Variants in EML5 observed in about 807,000 individuals in gnomAD.
EML5 encodes EMAP like 5.
EML5 carries 120 observed loss-of-function variants against 250.0 expected under a neutral mutation model. That is an observed-to-expected ratio of 0.48 (90% CI 0.41 to 0.56). The LOEUF (loss-of-function observed/expected upper bound fraction) is 0.56. Among genes scored for constraint, EML5 ranks in the 20% least tolerant of loss-of-function variants. The pLI, the probability that EML5 is intolerant of heterozygous loss-of-function variation, is 0.00. For synonymous variants in EML5, 771 were observed against 806.5 expected (o/e 0.96, Z 0.75); for missense variants, 2,006 against 2,437.6 (o/e 0.82, Z 3.73).
rs748748462 is a variant in EML5, at chr14:88,620,892, G to A, written c.5237C>T (p.Ala1746Val). ...TTCAGGGCTGTAACACACAGTACGA[G>A]CAGCATGTCCCAAATTCACTTTGTT... ...MLNKVNLGHA[A>V]RTVCYSPEGD... The change falls in exon 39 of 44, where the codon GCT (alanine) becomes GTT (valine). Residue 1746 changes from alanine (A) to valine (V), a missense_variant. Ala to Val is a moderately conservative substitution (Grantham distance 64). Around this residue, in one of 7 missense-constraint regions of EML5, gnomAD observed 405 missense variants for 523.3 expected, o/e 0.77. Transcript: ENST00000554922. This position sits in a 1 kb window ranked among gnomAD's most constrained non-coding sequence, Gnocchi z 4.3. 20 of 1,533,952 alleles carry A rather than the reference G, an allele frequency of 1.3e-5. No homozygotes were observed. In the East Asian group the frequency reaches 4.2e-4, roughly 33 times the overall value.
At chr14:88,769,151 C>G (rs375480972) in intron 1 of EML5, among the ~76,000 whole-genome samples, 1 of 152,194 alleles carries the variant, frequency 6.6e-6, no homozygotes, top group Admixed American at 6.5e-5. Flanking sequence ...ATAGTTGGAT[C>G]TGTGTCCCCA....
At chr14:88,683,696 T>C (rs973454384) in intron 20 of EML5, among the ~76,000 whole-genome samples, 1 of 152,122 alleles carries the variant, frequency 6.6e-6, no homozygotes, top group Non-Finnish European at 1.5e-5. Flanking sequence ...TAATACACTA[T>C]ATCAACAGAA....
intron 9 of EML5, among the ~76,000 whole-genome samples, chr14:88,714,254 G>A (rs1427382130): frequency 2.6e-5 from 4 of 152,108 alleles, no homozygotes; most frequent in Admixed American, 1.3e-4. Context: ...AGATACAGTG[G>A]TACTTTACCA....
At chr14:88,754,264 T>C (rs959171275) in intron 2 of EML5, among the ~76,000 whole-genome samples, 1 of 152,196 alleles carries the variant, frequency 6.6e-6, no homozygotes, top group South Asian at 2.1e-4. Flanking sequence ...ATAATAACCA[T>C]GTAATATTCC....
At position 88,763,014 on chromosome 14, in the gene EML5, T is replaced by G. The variant is rs987094544; in HGVS notation, c.198-8343A>C. ...TCTGGGACACAGCTAAAGAAGTGTT[T>G]AGAGAGAAATTTATAGCACTAAATG... On this transcript the variant is annotated intron_variant, in intron 1 of 43. Transcript: ENST00000554922. Among the ~76,000 whole-genome samples, 7 of 152,268 alleles carry G rather than the reference T, an allele frequency of 4.6e-5. No individual in the cohort carries two copies. In the East Asian group the frequency reaches 1.2e-3, roughly 25 times the overall value.
chr14:88,751,304 C>T (rs2094090496), intron 2 of EML5, among the ~76,000 whole-genome samples: 1 of 152,070 alleles, frequency 6.6e-6, no homozygotes, highest in Admixed American at 6.6e-5. Context: ...AAAAGTAATG[C>T]TTAATCCATT....
At chr14:88,731,215 C>T (rs1274285550) in intron 7 of EML5, among the ~76,000 whole-genome samples, 2 of 129,386 alleles carry the variant, frequency 1.5e-5, no homozygotes, top group African/African-American at 5.8e-5. Flanking sequence ...GTTATCCCTC[C>T]CCCCTCCCCC....
chr14:88,666,396 T>C (rs1242324121), intron 21 of EML5, among the ~76,000 whole-genome samples: 1 of 152,000 alleles, frequency 6.6e-6, no homozygotes, highest in East Asian at 1.9e-4. Flanking sequence ...CTGGCTACTT[T>C]TGTATTTTTA....
At chr14:88,707,200 T>C (rs8018076) in intron 10 of EML5, among the ~76,000 whole-genome samples, 5,867 of 152,210 alleles carry the variant, frequency 0.039, 129 homozygotes, top group African/African-American at 0.049. Context: ...ACCCAATTTC[T>C]CCAATAATAA....
chr14:88,614,597 C>T lies in EML5; in HGVS notation c.*1221G>A, dbSNP rs1413448694. 1.3e-5 allele frequency: 2 copies of T among 152,130 alleles called. No individual in the cohort carries two copies. The highest frequency in any genetic ancestry group is 2.9e-5 in the Non-Finnish European group (2 of 68,028). The allele number at this position is 152,130 out of a possible 1,614,324, so 9.4% of individuals were successfully genotyped here. Reference sequence around the variant, plus strand: ...CATAGGGTCAATACAGCATCTTAAACCTCACACTTAGAAAAATATATTTTT... The same window carrying T: ...CATAGGGTCAATACAGCATCTTAAATCTCACACTTAGAAAAATATATTTTT... On this transcript the variant is annotated 3_prime_UTR_variant, in exon 44 of 44. Transcript: ENST00000554922.
chr14:88,677,600 T>C (rs1320154898), intron 21 of EML5, among the ~76,000 whole-genome samples: 2 of 152,086 alleles, frequency 1.3e-5, no homozygotes, highest in Non-Finnish European at 2.9e-5. Flanking sequence ...CTTAAACAAA[T>C]TCACAAGAAA....
At chr14:88,664,965 G>T (rs1444201921) in intron 22 of EML5, among the ~76,000 whole-genome samples, 1 of 152,138 alleles carries the variant, frequency 6.6e-6, no homozygotes, top group African/African-American at 2.4e-5. Context: ...ATTAGTAATT[G>T]CTACATTACA....
chr14:88,726,791 T>C lies in EML5; in HGVS notation c.1050-113A>G, dbSNP rs183946270. 38 of 754,780 alleles carry C rather than the reference T, an allele frequency of 5.0e-5. No individual in the cohort carries two copies. The East Asian group carries it at 9.8e-4, about 19-fold the overall frequency. 46.8% of individuals were successfully genotyped at this position (754,780 alleles called of 1,614,324 possible). On this transcript the variant is annotated intron_variant, in intron 7 of 43. Transcript: ENST00000554922. ...AAGATAAATCTAGATATCTTAACTATCTGTTGTGTGGCAAGAAATTCTTAT... is the reference window on the plus strand; with the variant it reads ...AAGATAAATCTAGATATCTTAACTACCTGTTGTGTGGCAAGAAATTCTTAT...
At chr14:88,691,755 G>C (rs892171869) in intron 17 of EML5, among the ~76,000 whole-genome samples, 3 of 152,176 alleles carry the variant, frequency 2.0e-5, no homozygotes, top group African/African-American at 7.2e-5. Context: ...GTTAGGTTAA[G>C]TAAGTGGATA....
intron 13 of EML5, among the ~76,000 whole-genome samples, chr14:88,702,849 G>C (rs913463752): frequency 6.6e-6 from 1 of 152,064 alleles, no homozygotes; most frequent in African/African-American, 2.4e-5. Context: ...TGACCACCTA[G>C]GCTCAAACGA....
At chr14:88,676,680 T>C (rs2092601594) in intron 21 of EML5, among the ~76,000 whole-genome samples, 1 of 152,070 alleles carries the variant, frequency 6.6e-6, no homozygotes, top group Non-Finnish European at 1.5e-5. Flanking sequence ...GCCAAGACAA[T>C]GCTAAGCCAT....
In EML5 at chr14:88,704,958, A is replaced by G; in HGVS notation, c.1953T>C (p.Pro651=). ...YRRQVYKEDL[P]QLKEQCKEKQ... is the part of the protein sequence containing the mutation. ...TCTCTTTGCACTGTTCTTTAAGCTG[A>G]GGTAGATCTTCTTTGTAAACCTTTA... is the stretch of plus-strand genomic sequence containing the variant. Residue 651 remains proline (P), a synonymous_variant, in exon 13 of 44, where the codon CCT becomes CCC. Transcript: ENST00000554922. The G allele has an allele frequency of 1.2e-6, 2 of 1,611,644 alleles. No homozygotes were observed. The highest frequency in any genetic ancestry group is 1.1e-5 in the South Asian group (1 of 90,832).
rs2094620475 is a variant in EML5 at position 88,792,446 on chromosome 14, G to A, written c.58C>T (p.Arg20Trp). ...HLRLEWVYGY[R>W]GHQCRNNLYY... is the part of the protein sequence containing the mutation. The stretch of plus-strand genomic sequence containing the variant: ...AGGTTGTTGCGGCACTGGTGGCCCC[G>A]GTAGCCGTACACCCACTCGAGCCGC... Residue 20 changes from arginine (R) to tryptophan (W), a missense_variant, in exon 1 of 44, where the codon CGG becomes TGG. Transcript: ENST00000554922. This position sits in a 1 kb window ranked among gnomAD's most constrained non-coding sequence, Gnocchi z 6.9. The A allele has an allele frequency of 5.8e-6, 9 of 1,543,364 alleles. No individual in the cohort carries two copies. The highest frequency in any genetic ancestry group is 7.9e-6 in the Non-Finnish European group (9 of 1,144,720).
In EML5 at chr14:88,626,967, A is replaced by G; in HGVS notation, c.4611T>C (p.Phe1537=). ...TCACATGTTTTACTCCCACTGAGAC[A>G]AACTGGGTATCTGAATCTGGTCGGA... ...AEFRPDSDTQ[F]VSVGVKHVKF... Residue 1537 remains phenylalanine, a synonymous_variant, in exon 35 of 44, where the codon TTT becomes TTC. Transcript: ENST00000554922. 1 of 1,614,014 alleles carries G rather than the reference A, an allele frequency of 6.2e-7. No individual in the cohort carries two copies. Among genetic ancestry groups the G allele is most frequent in the South Asian group, 1.1e-5 (1 of 91,080 alleles).
Sources: allele counts gnomAD v4.1 joint callset (sites outside exome capture counted in the v4.1 genomes callset), GRCh38; gene constraint gnomAD v4.1.1; regional missense constraint gnomAD v4.1.1; non-coding constraint Gnocchi (gnomAD v3.1); transcripts MANE v1.5; gene names NCBI Gene and HGNC (gene_info 2026-07-23, HGNC 2026-07-21).